DOCK4: variants seen among roughly 807,000 people sequenced by gnomAD.
DOCK4 encodes the protein dedicator of cytokinesis protein 4.
In DOCK4, 97 loss-of-function variants were observed where a neutral mutation model predicts 268.1. The ratio of observed to expected loss-of-function variants is 0.36; its 90% CI spans 0.31 to 0.43. The LOEUF is 0.43. Ranked by LOEUF, DOCK4 falls within the 20% of genes least tolerant of loss-of-function variation. The pLI is 1.00. For synonymous variants in DOCK4, 954 were observed against 887.2 expected (o/e 1.08, Z -1.34); for missense variants, 2,145 against 2,455.7 (o/e 0.87, Z 2.67).
intron 1 of DOCK4, among the ~76,000 whole-genome samples, chr7:112,108,551 G>C (rs1222662167): frequency 6.6e-6 from 1 of 152,138 alleles, no homozygotes; most frequent in Non-Finnish European, 1.5e-5. Context: ...GGGTCACCCT[G>C]CTGGCAATAA....
intron 39 of DOCK4, among the ~76,000 whole-genome samples, chr7:111,761,594 C>T (rs916943489): frequency 2.0e-5 from 3 of 152,040 alleles, no homozygotes; most frequent in South Asian, 2.1e-4. Context: ...TCTGTTTTTC[C>T]GCTCTATGAG....
At chr7:111,799,399 C>A (rs1041386070) in intron 30 of DOCK4, among the ~76,000 whole-genome samples, 1 of 152,180 alleles carries the variant, frequency 6.6e-6, no homozygotes, top group Non-Finnish European at 1.5e-5. Context: ...CCCCAGAAAA[C>A]AGAGCCACCT....
At chr7:111,729,864 T>C (rs1450531469) in intron 52 of DOCK4, among the ~76,000 whole-genome samples, 1 of 152,266 alleles carries the variant, frequency 6.6e-6, no homozygotes, top group Non-Finnish European at 1.5e-5. Flanking sequence ...CCCTCGGGGC[T>C]GTAGCCTGTG....
chr7:111,919,576 T>C (rs1792927735), intron 12 of DOCK4, among the ~76,000 whole-genome samples: 4 of 152,190 alleles, frequency 2.6e-5, no homozygotes, highest in Admixed American at 6.5e-5. Context: ...ATTAAAGCCC[T>C]CAGTGTAATT....
intron 8 of DOCK4, among the ~76,000 whole-genome samples, chr7:111,964,604 G>C (rs1334712618): frequency 7.3e-6 from 1 of 137,062 alleles, no homozygotes; most frequent in African/African-American, 2.9e-5. Context: ...GTGATGGGGA[G>C]AATGGAACCA....
intron 12 of DOCK4, among the ~76,000 whole-genome samples, chr7:111,919,621 G>GT (rs1174901081): frequency 6.6e-6 from 1 of 152,186 alleles, no homozygotes; most frequent in East Asian, 1.9e-4. Flanking sequence ...GATAATGGGG[G>GT]TTGAGGGGGA....
rs1238751203 is a variant in DOCK4 at position 111,981,631 on chromosome 7, C to G, written c.549+2675G>C. On this transcript the variant is annotated intron_variant, in intron 7 of 52. Transcript: ENST00000428084. The stretch of plus-strand genomic sequence containing the variant: ...ATTTGAGTTGTTTTTGGGCTATAGT[C>G]TTTGTTTTGGAAATAGTCAAGTGCA... Among the ~76,000 whole-genome samples the G allele has an allele frequency of 3.3e-5, 5 of 152,176 alleles. No homozygotes were observed. The East Asian group carries it at 9.6e-4, about 29-fold the overall frequency.
At position 112,033,478 on chromosome 7, in the gene DOCK4, T is replaced by C. The variant is rs549267314; in HGVS notation, c.38-29347A>G. Among the ~76,000 whole-genome samples, 6 of 152,346 alleles carry C rather than the reference T, an allele frequency of 3.9e-5. No individual in the cohort carries two copies. In the South Asian group the frequency reaches 1.2e-3, roughly 32 times the overall value. ...TCCTGCTAATGAATTCAGCAGTACT[T>C]TTCAAGGTGTACCCTAAATTACTTT... On this transcript the variant is annotated intron_variant, in intron 1 of 52. Coordinates refer to ENST00000428084, the MANE Select transcript of DOCK4 (RefSeq NM_001363540.2).
In DOCK4 at chr7:111,808,777, C is replaced by T. The variant is rs369422457; in HGVS notation, c.3166+44G>A. 6.9e-5 allele frequency: 110 copies of T among 1,589,680 alleles called. No individual in the cohort carries two copies. The African/African-American group carries it at 9.1e-4, about 13-fold the overall frequency. ...TTCATTTGTACACTTCAAGGTACAG[C>T]GAGGAGCTGTATAGTAGATGTGGCT... On this transcript the variant is annotated intron_variant, in intron 30 of 52. Coordinates refer to ENST00000428084, the MANE Select transcript of DOCK4 (RefSeq NM_001363540.2).
At position 111,741,550 on chromosome 7, in the gene DOCK4, G is replaced by C. The variant is rs1255811375; in HGVS notation, c.4909C>G (p.Pro1637Ala). The C allele has an allele frequency of 6.2e-7, 1 of 1,613,090 alleles. No homozygotes were observed. The highest frequency in any genetic ancestry group is 1.7e-5 in the Admixed American group (1 of 59,894). ...TGGAATATGACTTACCTGCGTCTAG[G>C]AATTACCCTGGTACCATCTGGGCTC... ...SVSPDGTRVI[P>A]RRSPLSYPAV... Residue 1637 changes from proline to alanine, a missense_variant, in exon 46 of 53, where the codon CCT (proline) becomes GCT (alanine). Around this residue, in one of 2 missense-constraint regions of DOCK4, gnomAD observed 547 missense variants for 469.0 expected, o/e 1.17. Coordinates refer to ENST00000428084, the MANE Select transcript of DOCK4 (RefSeq NM_001363540.2).
At chr7:111,816,364 G>A (rs533185648) in intron 27 of DOCK4, among the ~76,000 whole-genome samples, 1 of 152,210 alleles carries the variant, frequency 6.6e-6, no homozygotes, top group South Asian at 2.1e-4. Context: ...GATTAATTGG[G>A]GCAGCAAAAA....
At chr7:111,940,800 A>G (rs1050253956) in intron 10 of DOCK4, among the ~76,000 whole-genome samples, 5 of 152,200 alleles carry the variant, frequency 3.3e-5, no homozygotes, top group African/African-American at 1.2e-4. Context: ...AAATTGTTAC[A>G]TGTTTAAAAA....
At chr7:111,731,838 A>T (rs889955593) in intron 52 of DOCK4, among the ~76,000 whole-genome samples, 1 of 148,990 alleles carries the variant, frequency 6.7e-6, no homozygotes, top group Non-Finnish European at 1.5e-5. Context: ...GTAGATCTTG[A>T]TACTGATGTT....
intron 42 of DOCK4, among the ~76,000 whole-genome samples, chr7:111,749,241 C>T (rs746108398): frequency 1.3e-5 from 2 of 152,054 alleles, no homozygotes; most frequent in Non-Finnish European, 2.9e-5. Context: ...GTTTTATGTA[C>T]ACAAAACCTA....
chr7:112,146,681 C>T (rs1340913550), intron 1 of DOCK4, among the ~76,000 whole-genome samples: 1 of 152,078 alleles, frequency 6.6e-6, no homozygotes, highest in Non-Finnish European at 1.5e-5. Context: ...TGCAGTGAGC[C>T]CTGATGGCAC....
At chr7:111,773,430 T>A (rs1015051979) in intron 36 of DOCK4, among the ~76,000 whole-genome samples, 2 of 152,230 alleles carry the variant, frequency 1.3e-5, no homozygotes, top group African/African-American at 4.8e-5. Flanking sequence ...AGTTTTGAAA[T>A]ATAATCAGAC....
At chr7:111,997,383 C>T (rs1224424859) in intron 4 of DOCK4, among the ~76,000 whole-genome samples, 1 of 152,174 alleles carries the variant, frequency 6.6e-6, no homozygotes, top group Non-Finnish European at 1.5e-5. Context: ...TACTAACATG[C>T]TTAAAGCAGC....
At chr7:112,178,095 C>G (rs1316690033) in intron 1 of DOCK4, among the ~76,000 whole-genome samples, 1 of 152,252 alleles carries the variant, frequency 6.6e-6, no homozygotes, top group African/African-American at 2.4e-5. Context: ...CAGTATCACT[C>G]TCTCATTCCC....
Position 112,093,733 on chromosome 7 carries a change from G to T in DOCK4, c.38-89602C>A, listed in dbSNP as rs10278148. On this transcript the variant is annotated intron_variant, in intron 1 of 52. Coordinates refer to ENST00000428084, the MANE Select transcript of DOCK4 (RefSeq NM_001363540.2). ...AGCAATTTTGATTCTAGTTTTTAAG[G>T]AAGAGAACGTCTTACACCCATCTAA... is the stretch of plus-strand genomic sequence containing the variant. 6.7e-3 allele frequency among the ~76,000 whole-genome samples: 1,017 copies of T among 152,214 alleles called. 8 individuals carry two copies. The highest frequency in any genetic ancestry group is 0.023 in the African/African-American group (974 of 41,530).
Sources: allele counts gnomAD v4.1 joint callset (sites outside exome capture counted in the v4.1 genomes callset), GRCh38; gene constraint gnomAD v4.1.1; regional missense constraint gnomAD v4.1.1; transcripts MANE v1.5; gene names NCBI Gene and HGNC (gene_info 2026-07-23, HGNC 2026-07-21).